Variants in CDH3 observed in about 807,000 individuals in gnomAD.
CDH3 encodes the protein cadherin-3.
Under a neutral mutation model 82.0 loss-of-function variants are expected in CDH3, and 54 were observed. The ratio of observed to expected loss-of-function variants is 0.66; its 90% CI spans 0.53 to 0.83. The LOEUF is 0.83. CDH3 is among the 40% of genes least tolerant of loss of function. The pLI is 0.00. For synonymous variants in CDH3, 446 were observed against 437.9 expected (o/e 1.02, Z -0.23); for missense variants, 1,054 against 1,084.6 (o/e 0.97, Z 0.40).
At chr16:68,715,510 G>A (rs184999243) in intron 1 of CDH3, among the ~76,000 whole-genome samples, 2 of 152,056 alleles carry the variant, frequency 1.3e-5, no homozygotes, top group Non-Finnish European at 2.9e-5. Flanking sequence ...CTGGGGCGAT[G>A]TTCAAGTAGC....
chr16:68,701,966 G>A (rs985136176), downstream of CDH3, among the ~76,000 whole-genome samples: 2 of 151,986 alleles, frequency 1.3e-5, no homozygotes, highest in Non-Finnish European at 2.9e-5. Context: ...GGAGGTTGCA[G>A]TGAACCAAGA....
At chr16:68,701,542 CA>C (rs1297129561), downstream of CDH3, among the ~76,000 whole-genome samples, 4 of 127,664 alleles carry the variant, frequency 3.1e-5, no homozygotes, top group Admixed American at 3.3e-4. Context: ...GCATTACACA[CA>C]ATTTTTTTTT....
intron 1 of CDH3, among the ~76,000 whole-genome samples, chr16:68,714,194 A>G (rs1319316874): frequency 6.6e-6 from 1 of 152,100 alleles, no homozygotes; most frequent in African/African-American, 2.4e-5. Flanking sequence ...CTGGCCTCCC[A>G]AAGTGGTGGG....
chr16:68,688,664 T>C (rs1961483292), intron 12 of CDH3, among the ~76,000 whole-genome samples: 2 of 151,834 alleles, frequency 1.3e-5, no homozygotes, highest in South Asian at 4.1e-4. Flanking sequence ...TCTCACTCTG[T>C]CTCCCAGACT....
chr16:68,664,228 C>T (rs1029992232), intron 2 of CDH3, among the ~76,000 whole-genome samples: 1 of 151,952 alleles, frequency 6.6e-6, no homozygotes, highest in Non-Finnish European at 1.5e-5. Context: ...AAGTAAAGAT[C>T]GTGAATTTAA....
downstream of CDH3, among the ~76,000 whole-genome samples, chr16:68,728,416 C>T (rs929591129): frequency 1.3e-5 from 2 of 152,144 alleles, no homozygotes; most frequent in African/African-American, 4.8e-5. Context: ...CTGCCCGCCT[C>T]GGCCTCCCAA....
intron 2 of CDH3, among the ~76,000 whole-genome samples, chr16:68,656,320 C>T (rs1347613765): frequency 2.0e-5 from 3 of 152,190 alleles, no homozygotes; most frequent in Non-Finnish European, 4.4e-5. Flanking sequence ...CTTCTCAACT[C>T]CCCTCCCGAT....
intron 6 of CDH3, among the ~76,000 whole-genome samples, chr16:68,679,332 C>T (rs896763252): frequency 3.9e-5 from 6 of 152,178 alleles, no homozygotes; most frequent in African/African-American, 1.4e-4. Context: ...TAATACAGAG[C>T]GCCTAATGCG....
At chr16:68,676,666 A>G (rs988866975) in intron 3 of CDH3, among the ~76,000 whole-genome samples, 196 bp downstream of exon 3, 1 of 152,200 alleles carries the variant, frequency 6.6e-6, no homozygotes, top group African/African-American at 2.4e-5. Context: ...CAGCTACCCA[A>G]CAGTGGTGCC....
chr16:68,726,089 G>T (rs901465492), intron 2 of CDH3, among the ~76,000 whole-genome samples: 1 of 152,140 alleles, frequency 6.6e-6, no homozygotes, highest in Non-Finnish European at 1.5e-5. Context: ...GAATTCAGAA[G>T]CAGGCAGTCA....
chr16:68,648,798 A>C (rs2152088787), intron 2 of CDH3, among the ~76,000 whole-genome samples: 1 of 151,778 alleles, frequency 6.6e-6, no homozygotes, highest in East Asian at 1.9e-4. Flanking sequence ...GAGAGGGTAG[A>C]ATGTTGGATC....
intron 1 of CDH3, among the ~76,000 whole-genome samples, chr16:68,719,691 G>C (rs1962140730): frequency 6.6e-6 from 1 of 151,794 alleles, no homozygotes; most frequent in South Asian, 2.1e-4. Flanking sequence ...ATTAGAGACG[G>C]GGTTTCACCA....
intron 1 of CDH3, among the ~76,000 whole-genome samples, chr16:68,715,090 G>A (rs1409314080): frequency 1.3e-5 from 2 of 152,048 alleles, no homozygotes; most frequent in African/African-American, 4.8e-5. Context: ...AGTCAGAGAA[G>A]TTCTAAACTT....
At chr16:68,659,335 GA>G (rs1960496804) in intron 2 of CDH3, among the ~76,000 whole-genome samples, 1 of 152,132 alleles carries the variant, frequency 6.6e-6, no homozygotes, top group Non-Finnish European at 1.5e-5. Context: ...GTGGGAGGTT[GA>G]GGTGGGAGGA....
chr16:68,702,288 A>C (rs373294545), downstream of CDH3, among the ~76,000 whole-genome samples: 4 of 152,144 alleles, frequency 2.6e-5, no homozygotes, highest in East Asian at 3.9e-4. Flanking sequence ...ATGTCACCAC[A>C]ATCCATAGAT....
Position 68,682,549 on chromosome 16 carries a change from G to A in CDH3, c.1182+62G>A, listed in dbSNP as rs115540664. ...GGGGCAGTCAGGTCTGCAGCCTTCA[G>A]GATGAGGAGCCACTGTCTACCGTGG... On this transcript the variant is annotated intron_variant, in intron 9 of 15. Transcript: ENST00000264012. 1.9e-3 allele frequency: 2,916 copies of A among 1,510,624 alleles called. 43 individuals are homozygous for A. In the African/African-American group the frequency reaches 0.028, roughly 15 times the overall value. The allele number at this position is 1,510,624 out of a possible 1,614,324, so 93.6% of individuals were successfully genotyped here.
In CDH3 at chr16:68,695,879, C is replaced by A. The variant is rs1200333268; in HGVS notation, c.2236C>A (p.Pro746Thr). ...CATCATCCCGACACCCATGTACCGT[C>A]CTCGGCCAGCCAACCCAGATGAAAT... Reference protein sequence around the residue: ...PTIIPTPMYRPRPANPDEIGN... With the variant: ...PTIIPTPMYRTRPANPDEIGN... The change falls in exon 15 of 16, where the codon CCT becomes ACT. Residue 746 changes from proline to threonine, a missense_variant. Pro to Thr is a conservative substitution (Grantham distance 38, BLOSUM62 -1). Coordinates refer to ENST00000264012, the MANE Select transcript of CDH3 (RefSeq NM_001793.6). 6.8e-6 allele frequency: 11 copies of A among 1,614,172 alleles called. No individual in the cohort carries two copies. The highest frequency in any genetic ancestry group is 9.3e-6 in the Non-Finnish European group (11 of 1,180,032).
intron 1 of CDH3, among the ~76,000 whole-genome samples, chr16:68,709,817 C>T (rs563759859): frequency 6.9e-4 from 105 of 152,310 alleles, no homozygotes; most frequent in Middle Eastern, 6.8e-3. Context: ...GAAACCTAAA[C>T]ACCTTGTCCT....
At chr16:68,693,040 G>A (rs910100207) in intron 13 of CDH3, among the ~76,000 whole-genome samples, 1 of 151,894 alleles carries the variant, frequency 6.6e-6, no homozygotes, top group Non-Finnish European at 1.5e-5. Context: ...GGAGATGGAG[G>A]TTGCAGTCAG....
Sources: allele counts gnomAD v4.1 joint callset (sites outside exome capture counted in the v4.1 genomes callset), GRCh38; gene constraint gnomAD v4.1.1; transcripts MANE v1.5; gene names NCBI Gene and HGNC (gene_info 2026-07-23, HGNC 2026-07-21).